Variants in ABR observed in about 807,000 individuals in gnomAD.
ABR encodes ABR activator of RhoGEF and GTPase.
A neutral mutation model predicts 107.2 loss-of-function variants in ABR; 35 were observed. The observed-to-expected ratio is 0.33, with a 90% CI of 0.25 to 0.43. The LOEUF is 0.43. Ranked by LOEUF, ABR falls within the 20% of genes least tolerant of loss-of-function variation. ABR has a pLI of 1.00. For missense variants in ABR, 815 were observed against 1,115.2 expected, an observed-to-expected ratio of 0.73 and a Z score of 3.83; for synonymous variants, 498 against 462.0, an observed-to-expected ratio of 1.08 and a Z score of -1.00.
At chr17:1,209,088 A>G (rs2042853965) in intron 1 of ABR, among the ~76,000 whole-genome samples, 1 of 152,116 alleles carries the variant, frequency 6.6e-6, no homozygotes, top group Non-Finnish European at 1.5e-5. Flanking sequence ...GCAGGTGCCA[A>G]TAAAGTTTGC....
At chr17:1,192,067 G>A (rs1221116406), upstream of ABR, among the ~76,000 whole-genome samples, 1 of 152,174 alleles carries the variant, frequency 6.6e-6, no homozygotes, top group East Asian at 1.9e-4. Flanking sequence ...AAGGAAGGGG[G>A]AAACTTTCCT....
intron 16 of ABR, among the ~76,000 whole-genome samples, chr17:1,023,625 C>T (rs1412092453): frequency 6.6e-6 from 1 of 152,222 alleles, no homozygotes; most frequent in African/African-American, 2.4e-5. Context: ...GAGAGGCCTT[C>T]TGTGGTCCTG....
chr17:1,162,802 A>C (rs575235295), intron 1 of ABR, among the ~76,000 whole-genome samples: 22 of 151,450 alleles, frequency 1.5e-4, no homozygotes, highest in South Asian at 4.2e-4. Flanking sequence ...GGCCAAGCAC[A>C]GTGGCTCACA....
rs1597870036 is a variant in ABR at position 1,116,649 on chromosome 17, C to T, written c.246+8534G>A. On this transcript the variant is annotated intron_variant, in intron 2 of 22. Transcript: ENST00000302538. ...ACGGGACCCAGGGTCACAACCAAGG[C>T]ACTAGTCTACCTACTTCCGACTTAC... Among the ~76,000 whole-genome samples, 5 of 152,296 alleles carry T rather than the reference C, an allele frequency of 3.3e-5. No individual in the cohort carries two copies. The East Asian group carries it at 9.6e-4, about 29-fold the overall frequency.
At chr17:1,025,221 G>GGGAGGC (rs2072096112) in intron 16 of ABR, among the ~76,000 whole-genome samples, 1 of 149,314 alleles carries the variant, frequency 6.7e-6, no homozygotes, top group African/African-American at 2.5e-5. Context: ...GCTTGAACCC[G>GGGAGGC]GGAGGCGGAG....
Position 1,049,779 on chromosome 17 carries a change from A to C in ABR, c.1791+271T>G, listed in dbSNP as rs547644745. Among the ~76,000 whole-genome samples, 9 of 152,284 alleles carry C rather than the reference A, an allele frequency of 5.9e-5. No homozygotes were observed. The East Asian group carries it at 1.7e-3, about 29-fold the overall frequency. The stretch of plus-strand genomic sequence containing the variant: ...CGTTCCGGGAAACAACCACCCATAG[A>C]CTAAAGCTGGCGTGTGAAAACAAAG... On this transcript the variant is annotated intron_variant, in intron 16 of 22. Coordinates refer to ENST00000302538, the MANE Select transcript of ABR (RefSeq NM_021962.5).
intron 16 of ABR, among the ~76,000 whole-genome samples, chr17:1,018,453 G>C (rs1207488688): frequency 6.6e-6 from 1 of 152,176 alleles, no homozygotes; most frequent in Non-Finnish European, 1.5e-5. Flanking sequence ...ATCAGCATAA[G>C]CCTCAGGCCA....
intron 16 of ABR, among the ~76,000 whole-genome samples, chr17:1,041,600 G>A (rs1325721795): frequency 1.3e-5 from 2 of 152,166 alleles, no homozygotes; most frequent in African/African-American, 2.4e-5. Flanking sequence ...GGGCATGGTG[G>A]CGGGCGCCTT....
At chr17:1,006,509 C>T (rs2070048128) in intron 22 of ABR, among the ~76,000 whole-genome samples, 1 of 152,208 alleles carries the variant, frequency 6.6e-6, no homozygotes, top group African/African-American at 2.4e-5. Flanking sequence ...GGCCCAGCAT[C>T]TCCCCACCCC....
intron 2 of ABR, among the ~76,000 whole-genome samples, chr17:1,102,858 C>G (rs929491746): frequency 7.9e-5 from 12 of 152,076 alleles, no homozygotes; most frequent in East Asian, 7.7e-4. Context: ...TTACAGGCGT[C>G]CACCATCACA....
chr17:1,117,755 TC>T (rs1166930202), intron 2 of ABR, among the ~76,000 whole-genome samples: 24 of 67,114 alleles, frequency 3.6e-4, no homozygotes, highest in East Asian at 1.3e-3. Context: ...GAGCCTGAGT[TC>T]CTCCCAGCGT....
intron 2 of ABR, among the ~76,000 whole-genome samples, chr17:1,113,523 G>A (rs1476658828): frequency 6.6e-6 from 1 of 151,914 alleles, no homozygotes; most frequent in Non-Finnish European, 1.5e-5. Flanking sequence ...CTGACCTCAG[G>A]TGATCCACCC....
rs1408620225 is a variant in ABR at position 1,092,242 on chromosome 17, C to A, written c.346-392G>T. Among the ~76,000 whole-genome samples, 1 of 152,194 alleles carries A rather than the reference C, an allele frequency of 6.6e-6. No homozygotes were observed. Among genetic ancestry groups the A allele is most frequent in the Non-Finnish European group, 1.5e-5 (1 of 68,042 alleles). The stretch of plus-strand genomic sequence containing the variant: ...GGGAGGGTTGACAGGGAACTCAAGC[C>A]TATAGCTGTTTCCTTCCAAGAAACA... On this transcript the variant is annotated intron_variant, in intron 3 of 22. Transcript: ENST00000302538. This position sits in a 1 kb window ranked among gnomAD's most constrained non-coding sequence, Gnocchi z 4.6.
intron 2 of ABR, among the ~76,000 whole-genome samples, chr17:1,118,049 CCCAGCGTTATCCCTGAGCCTGAGTCCTT>C: frequency 1.9e-5 from 1 of 51,422 alleles, no homozygotes. Flanking sequence ...CTGAGTTCCT[CCCAGCGTTATCCCTGAGCCTGAGTCCTT>C]CCCAGCGTTA....
At chr17:1,202,650 C>T (rs985531134) in intron 1 of ABR, among the ~76,000 whole-genome samples, 4 of 152,060 alleles carry the variant, frequency 2.6e-5, no homozygotes, top group African/African-American at 9.7e-5. Context: ...GAAATGAAGA[C>T]CCTGTTAGGA....
At chr17:1,089,022 A>G (rs1309324811) in intron 4 of ABR, among the ~76,000 whole-genome samples, 1 of 150,748 alleles carries the variant, frequency 6.6e-6, no homozygotes, top group African/African-American at 2.4e-5. Flanking sequence ...CAGCCCCCTG[A>G]GTAGCTGGGA....
At chr17:1,177,746 G>A (rs764134515) in intron 1 of ABR, among the ~76,000 whole-genome samples, 1 of 152,192 alleles carries the variant, frequency 6.6e-6, no homozygotes, top group African/African-American at 2.4e-5. Flanking sequence ...ATAAGCACGC[G>A]TGAATCTGAG....
intron 1 of ABR, among the ~76,000 whole-genome samples, chr17:1,133,146 G>A (rs1432733811): frequency 1.3e-5 from 2 of 152,042 alleles, no homozygotes; most frequent in Non-Finnish European, 2.9e-5. Context: ...GAAGGCTGAG[G>A]CAGGATAATC....
chr17:1,136,868 G>A (rs887730697), intron 1 of ABR, among the ~76,000 whole-genome samples: 4 of 152,128 alleles, frequency 2.6e-5, no homozygotes, highest in Admixed American at 2.0e-4. Context: ...TATCATTCTT[G>A]TGTTCACTGG....
Sources: gnomAD v4.1 joint callset for allele counts (sites outside exome capture counted in the v4.1 genomes callset) on GRCh38, gnomAD v4.1.1 for gene constraint, Gnocchi (gnomAD v3.1) non-coding constraint, MANE v1.5 for transcripts, NCBI Gene and HGNC (gene_info 2026-07-23, HGNC 2026-07-21) for gene names.